Variants in LRMDA observed in about 807,000 individuals in gnomAD.
The protein encoded by LRMDA is leucine rich melanocyte differentiation associated.
Under a neutral mutation model 29.8 loss-of-function variants are expected in LRMDA, and 18 were observed. The ratio of observed to expected loss-of-function variants is 0.60; its 90% confidence interval spans 0.42 to 0.90. The LOEUF is 0.90. Among genes scored for constraint, LRMDA ranks in the 40% least tolerant of loss-of-function variants. The pLI is 0.00. For synonymous variants in LRMDA, 125 were observed against 109.4 expected (o/e 1.14, Z -0.89); for missense variants, 273 against 273.9 (o/e 1.00, Z 0.02).
intron 5 of LRMDA, among the ~76,000 whole-genome samples, chr10:76,128,233 G>GGT (rs560629150): frequency 2.4e-3 from 363 of 152,292 alleles, no homozygotes; most frequent in Admixed American, 5.7e-3. Context: ...AGAAGCAGAA[G>GGT]GTGTGTGTGT....
chr10:76,349,846 C>G (rs1052636261), intron 6 of LRMDA, among the ~76,000 whole-genome samples: 8 of 152,098 alleles, frequency 5.3e-5, no homozygotes, highest in Admixed American at 2.6e-4. Context: ...AAATCTCACT[C>G]CTGGGACTCT....
At chr10:75,560,925 A>G (rs1044493674) in intron 2 of LRMDA, among the ~76,000 whole-genome samples, 18 of 151,900 alleles carry the variant, frequency 1.2e-4, no homozygotes, top group Non-Finnish European at 1.8e-4. Context: ...GTGCTGCTGG[A>G]TTTGGTTTGC....
intron 5 of LRMDA, among the ~76,000 whole-genome samples, chr10:76,078,117 T>G (rs1848990589): frequency 6.8e-6 from 1 of 146,792 alleles, no homozygotes; most frequent in Non-Finnish European, 1.5e-5. Context: ...TTCAGGCTAT[T>G]CTCCTGCCTC....
At chr10:76,059,405 G>A (rs1848668850) in intron 5 of LRMDA, among the ~76,000 whole-genome samples, 1 of 152,218 alleles carries the variant, frequency 6.6e-6, no homozygotes, top group Non-Finnish European at 1.5e-5. Context: ...GCTCTGATGA[G>A]GCAGTGGAGA....
intron 2 of LRMDA, among the ~76,000 whole-genome samples, chr10:75,979,280 G>A (rs757043820): frequency 5.9e-5 from 9 of 152,174 alleles, no homozygotes; most frequent in Non-Finnish European, 1.0e-4. Context: ...TGGTACATGC[G>A]TGACTGAAAT....
intron 5 of LRMDA, among the ~76,000 whole-genome samples, chr10:76,284,456 A>G (rs907139710): frequency 2.0e-5 from 3 of 152,146 alleles, no homozygotes; most frequent in Non-Finnish European, 2.9e-5. Context: ...TTTTGCCTCT[A>G]TAGGGCCTTT....
At chr10:75,533,404 C>T (rs533038980) in intron 2 of LRMDA, among the ~76,000 whole-genome samples, 1 of 152,310 alleles carries the variant, frequency 6.6e-6, no homozygotes, top group East Asian at 1.9e-4. Flanking sequence ...CAGGAAAAGG[C>T]TGACAAGGGA....
rs558511482 is a variant in LRMDA at position 75,636,725 on chromosome 10, C to T, written c.131+198231C>T. Among the ~76,000 whole-genome samples the T allele has an allele frequency of 3.3e-5, 5 of 152,214 alleles. No homozygotes were observed. In the South Asian group the frequency reaches 6.2e-4, roughly 19 times the overall value. On this transcript the variant is annotated intron_variant, in intron 2 of 6. Transcript: ENST00000611255. ...GCTGTATTTCTGGGTGAGAGCCCAG[C>T]GTCATGAACAGCCTTCATTCCACCT...
intron 6 of LRMDA, 75 bp from the exon 7 acceptor site, chr10:76,557,134 C>A: frequency 8.4e-7 from 1 of 1,189,934 alleles, no homozygotes; most frequent in Non-Finnish European, 1.3e-6. Context: ...TCTTGCATGT[C>A]TGCTTTTCAG....
chr10:76,450,500 G>A (rs1252285966), intron 6 of LRMDA, among the ~76,000 whole-genome samples: 1 of 152,046 alleles, frequency 6.6e-6, no homozygotes, highest in Non-Finnish European at 1.5e-5. Context: ...AACTTATAAA[G>A]TCTTTCTCTG....
intron 2 of LRMDA, among the ~76,000 whole-genome samples, chr10:75,930,190 A>G (rs1846183902): frequency 6.6e-6 from 1 of 152,220 alleles, no homozygotes; most frequent in Non-Finnish European, 1.5e-5. Context: ...GATTTGCCTA[A>G]GACTAAGATC....
rs1482377368 is a variant in LRMDA, at chr10:76,296,191, C to T, written c.517-28210C>T. On this transcript the variant is annotated intron_variant, in intron 5 of 6. Coordinates refer to ENST00000611255, the MANE Select transcript of LRMDA (RefSeq NM_001305581.2). ...TTTAAGTATCTAAAGGATAGGGCAT[C>T]ATGTGAATTATATTAACTATCAAAT... 3.9e-5 allele frequency among the ~76,000 whole-genome samples: 6 copies of T among 152,330 alleles called. No individual in the cohort carries two copies. In the East Asian group the frequency reaches 9.7e-4, roughly 25 times the overall value.
chr10:76,050,344 T>C (rs1180559062), intron 4 of LRMDA, among the ~76,000 whole-genome samples: 1 of 152,184 alleles, frequency 6.6e-6, no homozygotes, highest in Non-Finnish European at 1.5e-5. Flanking sequence ...GTGCACCCAG[T>C]TGGATTTTCT....
chr10:75,692,881 GAATTCTC>G (rs1842189132), intron 2 of LRMDA, among the ~76,000 whole-genome samples: 1 of 152,042 alleles, frequency 6.6e-6, no homozygotes, highest in African/African-American at 2.4e-5. Flanking sequence ...CACAGTTGAG[GAATTCTC>G]AAGTGATGCA....
intron 6 of LRMDA, among the ~76,000 whole-genome samples, chr10:76,423,639 T>C (rs1259062772): frequency 6.6e-6 from 1 of 152,212 alleles, no homozygotes; most frequent in African/African-American, 2.4e-5. Context: ...AATTTTGTTA[T>C]AAAGGGAATG....
At chr10:75,485,784 G>C (rs1844905974) in intron 2 of LRMDA, among the ~76,000 whole-genome samples, 1 of 152,112 alleles carries the variant, frequency 6.6e-6, no homozygotes, top group African/African-American at 2.4e-5. Flanking sequence ...TGCTGAGTTG[G>C]CTAAGCCGGT....
chr10:76,239,916 T>C (rs1404535396), intron 5 of LRMDA, among the ~76,000 whole-genome samples: 4 of 151,962 alleles, frequency 2.6e-5, no homozygotes, highest in Non-Finnish European at 1.5e-5. Flanking sequence ...TATGTATATA[T>C]ACTTATATAT....
At chr10:76,282,648 C>T (rs77676688) in intron 5 of LRMDA, among the ~76,000 whole-genome samples, 5,329 of 152,272 alleles carry the variant, frequency 0.035, 310 homozygotes, top group African/African-American at 0.12. Flanking sequence ...TATCTGCAAG[C>T]GTGCTCAGCA....
At chr10:75,777,063 G>A (rs1160431071) in intron 2 of LRMDA, among the ~76,000 whole-genome samples, 4 of 152,222 alleles carry the variant, frequency 2.6e-5, no homozygotes, top group Non-Finnish European at 5.9e-5. Flanking sequence ...CCTTGAGTGG[G>A]GAGCCGGGTT....
Sources: gnomAD v4.1 joint callset for allele counts (sites outside exome capture counted in the v4.1 genomes callset) on GRCh38, gnomAD v4.1.1 for gene constraint, MANE v1.5 for transcripts, NCBI Gene and HGNC (gene_info 2026-07-23, HGNC 2026-07-21) for gene names.